Variants in MID1 observed in about 807,000 individuals in gnomAD.
MID1 encodes midline 1.
A neutral mutation model predicts 40.4 loss-of-function variants in MID1; 7 were observed. The observed-to-expected ratio is 0.17, with a 90% CI of 0.10 to 0.33. The LOEUF (loss-of-function observed/expected upper bound fraction) is 0.33. Among genes scored for constraint, MID1 ranks in the 10% least tolerant of loss-of-function variants. The pLI, the probability that MID1 is intolerant of heterozygous loss-of-function variation, is 1.00. For synonymous variants in MID1, 229 were observed against 221.2 expected (o/e 1.04, Z -0.31); for missense variants, 367 against 558.5 (o/e 0.66, Z 3.46).
intron 1 of MID1, among the ~76,000 whole-genome samples, chrX:10,655,015 G>A (rs1402486525): frequency 4.5e-5 from 5 of 112,139 alleles, no homozygotes; most frequent in Non-Finnish European, 5.6e-5. Context: ...GAAACACAAC[G>A]AACAAGGAAA....
chrX:10,592,264 G>T (rs1935320376), intron 1 of MID1, among the ~76,000 whole-genome samples: 1 of 61,551 alleles, frequency 1.6e-5, no homozygotes, highest in African/African-American at 6.6e-5. Flanking sequence ...TTCCTGCTTA[G>T]GGACTGCGTT....
At chrX:10,797,038 C>A (rs1312390268) in intron 1 of MID1, among the ~76,000 whole-genome samples, 1 of 110,528 alleles carries the variant, frequency 9.0e-6, no homozygotes. Context: ...GTCTCTACCC[C>A]CTGACCCTGG....
At chrX:10,533,324 A>AAAGGAAAG (rs1232670111) in intron 2 of MID1, among the ~76,000 whole-genome samples, 1 of 70,773 alleles carries the variant, frequency 1.4e-5, no homozygotes, top group African/African-American at 5.4e-5. Flanking sequence ...AGAAAGAAAG[A>AAAGGAAAG]AAGGAAAGAA....
chrX:10,642,093 T>G (rs1357245072), intron 1 of MID1, among the ~76,000 whole-genome samples: 2 of 111,954 alleles, frequency 1.8e-5, no homozygotes, highest in Admixed American at 9.5e-5. Context: ...CGCATTCCCT[T>G]TGAAAACTGG....
intron 2 of MID1, among the ~76,000 whole-genome samples, chrX:10,533,833 C>G (rs759582562): frequency 9.0e-5 from 10 of 111,702 alleles, no homozygotes; most frequent in African/African-American, 3.2e-4. Flanking sequence ...TCAATTGTAT[C>G]AAGGTTGCTA....
At chrX:10,624,332 G>C (rs1450738620), upstream of MID1, among the ~76,000 whole-genome samples, 6 of 112,060 alleles carry the variant, frequency 5.4e-5, no homozygotes, top group Admixed American at 9.4e-5. Flanking sequence ...ACCAACACTG[G>C]AAAGAAGGGA....
chrX:10,751,307 T>A (rs1283284426), intron 1 of MID1, among the ~76,000 whole-genome samples: 5 of 108,911 alleles, frequency 4.6e-5, no homozygotes, highest in African/African-American at 1.7e-4. Context: ...ATAAAAAATA[T>A]CAATGTAGTG....
chrX:10,649,171 A>G (rs923493056), intron 1 of MID1, among the ~76,000 whole-genome samples: 11 of 112,125 alleles, frequency 9.8e-5, no homozygotes, highest in Admixed American at 2.8e-4. Context: ...CCATAGAAGC[A>G]AAGCAGCTAC....
intron 1 of MID1, among the ~76,000 whole-genome samples, chrX:10,716,387 C>T (rs1320729147): frequency 1.8e-5 from 2 of 112,008 alleles, no homozygotes; most frequent in Non-Finnish European, 3.8e-5. Flanking sequence ...ATGAGATCTA[C>T]GTGATGAATG....
chrX:10,573,977 C>T (rs973960814), intron 1 of MID1, among the ~76,000 whole-genome samples: 2 of 111,723 alleles, frequency 1.8e-5, no homozygotes, highest in African/African-American at 6.5e-5. Context: ...TCCTCCTGGT[C>T]ACCAGACAGC....
intron 1 of MID1, among the ~76,000 whole-genome samples, chrX:10,604,481 T>C (rs1935589553): frequency 8.9e-6 from 1 of 111,959 alleles, no homozygotes; most frequent in African/African-American, 3.2e-5. Context: ...TAATCAGAAG[T>C]TCTCTTCATT....
Position 10,602,963 on chromosome X carries a change from A to G in MID1, c.-57+17327T>C, listed in dbSNP as rs186685679. Among the ~76,000 whole-genome samples the G allele has an allele frequency of 6.3e-3, 707 of 112,620 alleles. 4 individuals are homozygous for G. Among genetic ancestry groups the G allele is most frequent in the South Asian group, 8.4e-3 (23 of 2,736 alleles). ...CATTAGACACTGGCTTGTTTTGCCA[A>G]CCTGTAAACAGCATATTGCCAACAC... On this transcript the variant is annotated intron_variant, in intron 1 of 9. Coordinates refer to ENST00000317552, the MANE Select transcript of MID1 (RefSeq NM_000381.4).
At chrX:10,654,820 A>C (rs750678239) in intron 1 of MID1, among the ~76,000 whole-genome samples, 2 of 112,304 alleles carry the variant, frequency 1.8e-5, no homozygotes, top group Admixed American at 1.9e-4. Context: ...TGGAGGGACA[A>C]AGGGTGACAT....
chrX:10,571,889 G>GA (rs200085998), intron 1 of MID1, among the ~76,000 whole-genome samples: 1,307 of 106,918 alleles, frequency 0.012, 29 homozygotes, highest in African/African-American at 0.042. Flanking sequence ...CCCATATCGA[G>GA]AAAAAAAAAT....
intron 1 of MID1, among the ~76,000 whole-genome samples, chrX:10,643,587 G>A (rs903997800): frequency 4.5e-5 from 5 of 112,032 alleles, no homozygotes; most frequent in Non-Finnish European, 7.5e-5. Flanking sequence ...CATTGTGGAA[G>A]TCAGTGTAGC....
At chrX:10,688,311 TG>T (rs1291271936) in intron 1 of MID1, among the ~76,000 whole-genome samples, 1 of 112,290 alleles carries the variant, frequency 8.9e-6, no homozygotes, top group Non-Finnish European at 1.9e-5. Flanking sequence ...TTCCCATTTT[TG>T]TAACCAGCAT....
chrX:10,694,002 T>A (rs1344746632), intron 1 of MID1, among the ~76,000 whole-genome samples: 1 of 112,435 alleles, frequency 8.9e-6, no homozygotes, highest in Non-Finnish European at 1.9e-5. Flanking sequence ...AAGATTATTT[T>A]AACCTGAAGT....
At chrX:10,788,238 T>A (rs1441072049) in intron 1 of MID1, among the ~76,000 whole-genome samples, 1 of 111,948 alleles carries the variant, frequency 8.9e-6, no homozygotes, top group East Asian at 2.8e-4. Flanking sequence ...AGTAATATTT[T>A]ATGCAGCTTG....
intron 1 of MID1, among the ~76,000 whole-genome samples, chrX:10,725,391 T>C (rs1194944603): frequency 8.9e-6 from 1 of 111,977 alleles, no homozygotes; most frequent in Non-Finnish European, 1.9e-5. Flanking sequence ...AAGATATGAT[T>C]TAAAAATTAT....
Sources: gnomAD v4.1 joint callset for allele counts (sites outside exome capture counted in the v4.1 genomes callset) on GRCh38, gnomAD v4.1.1 for gene constraint, MANE v1.5 for transcripts, NCBI Gene and HGNC (gene_info 2026-07-23, HGNC 2026-07-21) for gene names.